The following CADM2 variants were observed in gnomAD, a reference collection of about 807,000 sequenced individuals.
CADM2 encodes the protein cell adhesion molecule 2.
Under a neutral mutation model 49.8 loss-of-function variants are expected in CADM2, and 12 were observed. That is an observed-to-expected ratio of 0.24 (90% confidence interval 0.15 to 0.39). The LOEUF is 0.39. Ranked by LOEUF, CADM2 falls within the 10% of genes least tolerant of loss-of-function variation. The probability of loss-of-function intolerance (pLI) is 1.00; values close to 1 mark genes in which losing one functional copy is unlikely to be tolerated. For missense variants in CADM2, 378 were observed against 492.3 expected, an observed-to-expected ratio of 0.77 and a Z score of 2.20; for synonymous variants, 214 against 175.4, an observed-to-expected ratio of 1.22 and a Z score of -1.74.
At chr3:84,963,951 A>G (rs1559592382) in intron 1 of CADM2, among the ~76,000 whole-genome samples, 1 of 152,188 alleles carries the variant, frequency 6.6e-6, no homozygotes, top group African/African-American at 2.4e-5. Context: ...CTTAAATGCA[A>G]TAACTGTGGC....
chr3:85,008,495 G>A (rs183436971), intron 1 of CADM2, among the ~76,000 whole-genome samples: 4 of 152,060 alleles, frequency 2.6e-5, no homozygotes, highest in South Asian at 2.1e-4. Flanking sequence ...ATGGACTCTC[G>A]CTTGACAAGA....
chr3:85,561,709 C>G (rs983597028), intron 1 of CADM2, among the ~76,000 whole-genome samples: 1 of 152,140 alleles, frequency 6.6e-6, no homozygotes, highest in African/African-American at 2.4e-5. Context: ...ACAAAAACAT[C>G]TGTTCATATG....
chr3:85,690,438 C>T (rs1559594719), intron 1 of CADM2, among the ~76,000 whole-genome samples: 1 of 147,722 alleles, frequency 6.8e-6, no homozygotes. Flanking sequence ...AACACAGGTC[C>T]TATAAGATTC....
intron 3 of CADM2, among the ~76,000 whole-genome samples, chr3:85,838,683 A>T (rs2074508424): frequency 6.6e-6 from 1 of 151,724 alleles, no homozygotes; most frequent in East Asian, 1.9e-4. Context: ...GGTTGAAAAA[A>T]TCATCAGATA....
At chr3:85,784,536 ATC>A (rs747191177) in intron 2 of CADM2, among the ~76,000 whole-genome samples, 4,410 of 84,278 alleles carry the variant, frequency 0.052, 98 homozygotes, top group Non-Finnish European at 0.065. Context: ...ATATTTATCT[ATC>A]TATCTATCTA....
chr3:85,474,474 A>G (rs1422384746), intron 1 of CADM2, among the ~76,000 whole-genome samples: 2 of 151,990 alleles, frequency 1.3e-5, no homozygotes, highest in Non-Finnish European at 2.9e-5. Flanking sequence ...AATTTCATCC[A>G]TAAAGCACCT....
chr3:85,417,225 A>G (rs2035957232), intron 1 of CADM2, among the ~76,000 whole-genome samples: 1 of 152,146 alleles, frequency 6.6e-6, no homozygotes, highest in South Asian at 2.1e-4. Context: ...TGCATAGAGT[A>G]TTTAGACAAA....
chr3:85,743,306 C>T (rs7620948), intron 2 of CADM2, among the ~76,000 whole-genome samples: 23,694 of 152,124 alleles, frequency 0.16, 2,007 homozygotes, highest in African/African-American at 0.2. Context: ...CACAGCTTTT[C>T]AGCCAACATG....
intron 1 of CADM2, among the ~76,000 whole-genome samples, chr3:85,593,390 T>C (rs1451963452): frequency 1.3e-5 from 2 of 152,042 alleles, no homozygotes; most frequent in African/African-American, 4.8e-5. Context: ...ATTAAAATTC[T>C]AGAGCCTCAA....
intron 1 of CADM2, among the ~76,000 whole-genome samples, chr3:85,444,443 TCACACACA>T (rs4053296): frequency 6.8e-6 from 1 of 147,930 alleles, no homozygotes; most frequent in African/African-American, 2.5e-5. Flanking sequence ...TCCTACACAC[TCACACACA>T]CACACACACA....
intron 1 of CADM2, among the ~76,000 whole-genome samples, chr3:85,672,944 C>T (rs998907562): frequency 3.3e-5 from 5 of 152,084 alleles, no homozygotes; most frequent in African/African-American, 1.2e-4. Context: ...TGATATAATA[C>T]CCATGTTTCT....
chr3:85,999,851 T>A (rs953741249), intron 8 of CADM2, among the ~76,000 whole-genome samples: 6 of 152,126 alleles, frequency 3.9e-5, no homozygotes, highest in African/African-American at 1.4e-4. Context: ...ATTTTAAGAA[T>A]GTTGTCTGAG....
At chr3:85,257,201 A>G (rs1231194675) in intron 1 of CADM2, among the ~76,000 whole-genome samples, 2 of 152,148 alleles carry the variant, frequency 1.3e-5, no homozygotes, top group Non-Finnish European at 2.9e-5. Flanking sequence ...TTTTAAAGTA[A>G]TAAACCATGT....
chr3:85,643,773 T>C (rs2064802973), intron 1 of CADM2, among the ~76,000 whole-genome samples: 1 of 152,176 alleles, frequency 6.6e-6, no homozygotes. Flanking sequence ...TATAATCTGA[T>C]ATATATTTTA....
chr3:85,555,142 C>T (rs567651283), intron 1 of CADM2, among the ~76,000 whole-genome samples: 6 of 152,180 alleles, frequency 3.9e-5, no homozygotes, highest in African/African-American at 7.2e-5. Context: ...AGTTAGGGCA[C>T]GTCATTCCAG....
intron 1 of CADM2, among the ~76,000 whole-genome samples, chr3:85,608,584 T>A: frequency 6.6e-6 from 1 of 152,118 alleles, no homozygotes; most frequent in East Asian, 1.9e-4. Context: ...ATCGATGGGA[T>A]AAAGCATCCA....
intron 1 of CADM2, among the ~76,000 whole-genome samples, chr3:85,382,728 A>G (rs940515524): frequency 2.0e-5 from 3 of 152,200 alleles, no homozygotes; most frequent in Admixed American, 6.5e-5. Flanking sequence ...ATTTTACAAC[A>G]TTATTGGTAT....
chr3:85,721,680 G>A (rs553200402), intron 1 of CADM2, among the ~76,000 whole-genome samples: 3 of 152,338 alleles, frequency 2.0e-5, no homozygotes, highest in South Asian at 2.1e-4. Context: ...AACCAAGGTA[G>A]TGCCTGGAAG....
intron 1 of CADM2, among the ~76,000 whole-genome samples, chr3:85,048,681 G>A (rs2035761061): frequency 6.6e-6 from 1 of 152,102 alleles, no homozygotes; most frequent in Admixed American, 6.6e-5. Context: ...ATTTACATGT[G>A]GCATGAGAAA....
Sources: allele counts gnomAD v4.1 joint callset (sites outside exome capture counted in the v4.1 genomes callset), GRCh38; gene constraint gnomAD v4.1.1; transcripts MANE v1.5; gene names NCBI Gene and HGNC (gene_info 2026-07-23, HGNC 2026-07-21).